Variants in EBF1 observed in about 807,000 individuals in gnomAD.
EBF1 encodes the protein EBF transcription factor 1.
EBF1 carries 10 observed loss-of-function variants against 68.4 expected under a neutral mutation model. That is an observed-to-expected ratio of 0.15 (90% CI 0.09 to 0.25). EBF1 has a LOEUF of 0.25. Among genes scored for constraint, EBF1 ranks in the 10% least tolerant of loss-of-function variants. EBF1 has a pLI of 1.00. For missense variants in EBF1, 509 were observed against 794.4 expected, an observed-to-expected ratio of 0.64 and a Z score of 4.32; for synonymous variants, 298 against 299.8, an observed-to-expected ratio of 0.99 and a Z score of 0.06.
intron 6 of EBF1, among the ~76,000 whole-genome samples, chr5:159,034,076 T>C (rs1392030398): frequency 6.6e-6 from 1 of 152,162 alleles, no homozygotes; most frequent in Non-Finnish European, 1.5e-5. Context: ...CATCTTGAAA[T>C]TTGACTCAAA....
At chr5:158,771,012 C>A (rs1279816728) in intron 10 of EBF1, among the ~76,000 whole-genome samples, 2 of 152,058 alleles carry the variant, frequency 1.3e-5, no homozygotes, top group Non-Finnish European at 2.9e-5. Flanking sequence ...ATAAGACAGG[C>A]AATCCACAAA....
At chr5:159,049,334 A>C (rs2127806859) in intron 6 of EBF1, among the ~76,000 whole-genome samples, 1 of 152,320 alleles carries the variant, frequency 6.6e-6, no homozygotes, top group Middle Eastern at 3.4e-3. Context: ...TACTTAGTGG[A>C]TAGAAAGCTC....
chr5:158,923,851 T>G (rs1323827891), intron 6 of EBF1, among the ~76,000 whole-genome samples: 1 of 152,198 alleles, frequency 6.6e-6, no homozygotes, highest in Non-Finnish European at 1.5e-5. Context: ...AAAGGAAGAT[T>G]CAAAAGCAAT....
At chr5:158,837,613 T>C (rs1024023998) in intron 7 of EBF1, among the ~76,000 whole-genome samples, 5 of 152,196 alleles carry the variant, frequency 3.3e-5, no homozygotes, top group African/African-American at 1.2e-4. Context: ...AAATAGAAGC[T>C]TTGTAGATGT....
intron 4 of EBF1, among the ~76,000 whole-genome samples, chr5:159,091,651 T>C (rs1053487911): frequency 1.3e-5 from 2 of 152,306 alleles, no homozygotes; most frequent in East Asian, 1.9e-4. Context: ...ATCAAATCTA[T>C]GTAGCCATGG....
At chr5:159,084,600 C>T in intron 5 of EBF1, 66 bp downstream of exon 5, 1 of 1,348,474 alleles carries the variant, frequency 7.4e-7, no homozygotes, top group Non-Finnish European at 9.9e-7. Context: ...CAAAGTTCAC[C>T]AAGATTTGAA....
intron 7 of EBF1, among the ~76,000 whole-genome samples, chr5:158,829,161 C>G (rs1348889518): frequency 6.6e-6 from 1 of 152,084 alleles, no homozygotes; most frequent in Admixed American, 6.6e-5. Context: ...AAACAGTGAA[C>G]TCTAGTGTAA....
rs1366958003 is a variant in EBF1, at chr5:158,804,145, G to A, written c.779-7670C>T. Among the ~76,000 whole-genome samples the A allele has an allele frequency of 5.3e-5, 8 of 151,182 alleles. No individual in the cohort carries two copies. In the Admixed American group the frequency reaches 5.3e-4, roughly 10 times the overall value. On this transcript the variant is annotated intron_variant, in intron 8 of 15. Transcript: ENST00000313708. ...ATTTGGCAAGAATGCCCTTTGCTTT[G>A]ACAGCATTAATGGCTCTCGCAGAAA...
rs142215588 is a variant in EBF1 at position 158,764,644 on chromosome 5, G to T, written c.1036+12769C>A. 3.3e-5 allele frequency among the ~76,000 whole-genome samples: 5 copies of T among 152,118 alleles called. No individual in the cohort carries two copies. The South Asian group carries it at 1.0e-3, about 32-fold the overall frequency. On this transcript the variant is annotated intron_variant, in intron 10 of 15. Coordinates refer to ENST00000313708, the MANE Select transcript of EBF1 (RefSeq NM_024007.5). Reference sequence around the variant, plus strand: ...TCAGATTGTATCAGCTGGTGATAGCGCTGTCAATAAAAGAACTACATGTAC... The same window carrying T: ...TCAGATTGTATCAGCTGGTGATAGCTCTGTCAATAAAAGAACTACATGTAC...
At chr5:158,941,266 C>A (rs1406218019) in intron 6 of EBF1, 1 of 455,820 alleles carries the variant, frequency 2.2e-6, no homozygotes, top group Non-Finnish European at 4.4e-6. Flanking sequence ...ACAATGCAGA[C>A]TGGAGACGTT....
intron 6 of EBF1, among the ~76,000 whole-genome samples, chr5:158,840,673 GTTT>G (rs1554157163): frequency 2.9e-5 from 2 of 68,912 alleles, no homozygotes; most frequent in African/African-American, 1.1e-4. Context: ...TTTTTTTTTT[GTTT>G]TTTTTTTTTT....
chr5:158,893,232 A>G (rs1421059807), intron 6 of EBF1, among the ~76,000 whole-genome samples: 1 of 152,204 alleles, frequency 6.6e-6, no homozygotes, highest in East Asian at 1.9e-4. Flanking sequence ...TTGGGAATAT[A>G]TATTATTAAG....
intron 6 of EBF1, among the ~76,000 whole-genome samples, chr5:158,898,006 A>G (rs1802503031): frequency 6.6e-6 from 1 of 152,230 alleles, no homozygotes; most frequent in Non-Finnish European, 1.5e-5. Context: ...TTTGCCATTG[A>G]AAGATCATTG....
At chr5:158,824,672 G>A (rs1215313818) in intron 7 of EBF1, among the ~76,000 whole-genome samples, 2 of 152,216 alleles carry the variant, frequency 1.3e-5, no homozygotes, top group African/African-American at 2.4e-5. Context: ...GCTGAAGGGG[G>A]CATCGACTTC....
At chr5:158,847,785 G>A (rs1435971135) in intron 6 of EBF1, among the ~76,000 whole-genome samples, 1 of 152,216 alleles carries the variant, frequency 6.6e-6, no homozygotes, top group East Asian at 1.9e-4. Flanking sequence ...GGACACATTT[G>A]TTTTAAACTG....
At chr5:159,097,660 C>G (rs1157628477) in intron 1 of EBF1, 2 of 234,416 alleles carry the variant, frequency 8.5e-6, no homozygotes, top group East Asian at 6.0e-5. Flanking sequence ...GAAGCCACAT[C>G]CCCCCACCAC....
intron 7 of EBF1, among the ~76,000 whole-genome samples, chr5:158,834,669 A>G (rs770381979): frequency 7.2e-5 from 11 of 152,232 alleles, no homozygotes; most frequent in Admixed American, 1.3e-4. Context: ...CTGTTTACAC[A>G]GCAGAAGCCC....
At chr5:158,938,849 C>A (rs1170387460) in intron 6 of EBF1, among the ~76,000 whole-genome samples, 1 of 152,178 alleles carries the variant, frequency 6.6e-6, no homozygotes, top group Non-Finnish European at 1.5e-5. Flanking sequence ...ATTGGAAAGA[C>A]ACAAACTTTC....
chr5:159,076,882 A>G (rs1261195582), intron 5 of EBF1, among the ~76,000 whole-genome samples: 2 of 152,228 alleles, frequency 1.3e-5, no homozygotes, highest in Non-Finnish European at 2.9e-5. Context: ...GTACACATAC[A>G]TGTGTATATG....
Sources: gnomAD v4.1 joint callset for allele counts (sites outside exome capture counted in the v4.1 genomes callset) on GRCh38, gnomAD v4.1.1 for gene constraint, MANE v1.5 for transcripts, NCBI Gene and HGNC (gene_info 2026-07-23, HGNC 2026-07-21) for gene names.